The following PTPRH variants were observed in gnomAD, a reference collection of about 807,000 sequenced individuals.
PTPRH encodes the protein protein tyrosine phosphatase receptor type H.
A neutral mutation model predicts 130.2 loss-of-function variants in PTPRH; 113 were observed. The ratio of observed to expected loss-of-function variants is 0.87; its 90% CI spans 0.75 to 1.01. PTPRH has a LOEUF of 1.01. Among genes scored for constraint, PTPRH ranks in the 50% least tolerant of loss-of-function variants. PTPRH has a pLI of 0.00. For synonymous variants in PTPRH, 556 were observed against 577.9 expected (o/e 0.96, Z 0.54); for missense variants, 1,430 against 1,425.0 (o/e 1.00, Z -0.06).
In PTPRH at chr19:55,203,768, CG is replaced by C; in HGVS notation, c.886+13del. 1 of 1,588,960 alleles carries C rather than the reference CG, an allele frequency of 6.3e-7. No homozygotes were observed. The highest frequency in any genetic ancestry group is 1.1e-5 in the South Asian group (1 of 89,354). On this transcript the variant is annotated intron_variant, in intron 5 of 19. Transcript: ENST00000376350. ...TATAAAAGAAATAAAAATAAAACAGCGGCTGCCTCTTACCTGTGGCACTAGT... is the reference window on the plus strand; with the variant it reads ...TATAAAAGAAATAAAAATAAAACAGCGCTGCCTCTTACCTGTGGCACTAGT...
intron 12 of PTPRH, 89 bp downstream of exon 12, chr19:55,191,412 G>T: frequency 6.9e-7 from 1 of 1,456,362 alleles, no homozygotes; most frequent in Non-Finnish European, 9.6e-7. Flanking sequence ...TAAATGCATT[G>T]ATCCACCCTC....
intron 15 of PTPRH, 52 bp from the exon 16 acceptor site, chr19:55,186,411 T>G: frequency 6.2e-7 from 1 of 1,613,072 alleles, no homozygotes; most frequent in Non-Finnish European, 8.5e-7. Flanking sequence ...ATCCCCGAGC[T>G]CTTATCTCTC....
intron 10 of PTPRH, chr19:55,192,151 C>A: frequency 2.8e-6 from 1 of 358,994 alleles, no homozygotes; most frequent in Admixed American, 3.7e-5. Flanking sequence ...GCCTGTAATC[C>A]CAGCACTTTG....
chr19:55,188,597 G>A (rs1371549650), intron 12 of PTPRH, among the ~76,000 whole-genome samples: 3 of 152,192 alleles, frequency 2.0e-5, no homozygotes, highest in African/African-American at 7.2e-5. Flanking sequence ...ATGCAGACCA[G>A]TTTTTTTCTC....
In PTPRH at chr19:55,186,268, C is replaced by T; in HGVS notation, c.2735G>A (p.Ser912Asn). 6.2e-7 allele frequency: 1 copy of T among 1,613,892 alleles called. No individual in the cohort carries two copies. The highest frequency in any genetic ancestry group is 8.5e-7 in the Non-Finnish European group (1 of 1,179,850). Residue 912 changes from serine (S) to asparagine (N), a missense_variant, in exon 16 of 20, where the codon AGC (serine) becomes AAC (asparagine). Coordinates refer to ENST00000376350, the MANE Select transcript of PTPRH (RefSeq NM_002842.5). ...DFWRLVWEQQ[S>N]HTLVMLTNCM... ...GTTGGTCAGCATGACCAGGGTGTGG[C>T]TCTGCTGTTCCCACACCAGGCGCCA...
At position 55,185,936 on chromosome 19, in the gene PTPRH, C is replaced by T; in HGVS notation, c.2827G>A (p.Gly943Arg). The T allele has an allele frequency of 6.2e-7, 1 of 1,614,110 alleles. No individual in the cohort carries two copies. The highest frequency in any genetic ancestry group is 8.5e-7 in the Non-Finnish European group (1 of 1,179,992). Residue 943 changes from glycine (G) to arginine (R), a missense_variant, in exon 17 of 20, where the codon GGG (glycine) becomes AGG (arginine). By Grantham distance (125) the Gly-to-Arg change is moderately radical. Transcript: ENST00000376350. ...WPLDSQPCTHGHLRVTLVGEE... is the reference protein window; with the variant it reads ...WPLDSQPCTHRHLRVTLVGEE... The stretch of plus-strand genomic sequence containing the variant: ...CCTACCAGGGTTACCCGCAGGTGCC[C>T]ATGGGTGCAGGGCTGCGAGTCCAGA...
chr19:55,189,824 T>G (rs1252180718), intron 12 of PTPRH: 1 of 437,320 alleles, frequency 2.3e-6, no homozygotes, highest in Non-Finnish European at 4.6e-6. Flanking sequence ...CCGACCTCCA[T>G]CTCTACAAAA....
intron 6 of PTPRH, among the ~76,000 whole-genome samples, chr19:55,201,850 A>G (rs1426424804): frequency 6.6e-6 from 1 of 152,228 alleles, no homozygotes; most frequent in Non-Finnish European, 1.5e-5. Context: ...AGTCCTAGAC[A>G]CAGACTGGCC....
chr19:55,201,335 C>T (rs2086857474), intron 6 of PTPRH, among the ~76,000 whole-genome samples: 1 of 152,124 alleles, frequency 6.6e-6, no homozygotes. Flanking sequence ...TACGATCCTG[C>T]CACTGCACTC....
rs151036261 is a variant in PTPRH at position 55,198,120 on chromosome 19, G to A, written c.1690+523C>T. Among the ~76,000 whole-genome samples, 145 of 152,306 alleles carry A rather than the reference G, an allele frequency of 9.5e-4. 1 individual carries two copies. In the East Asian group the frequency reaches 9.6e-3, roughly 10 times the overall value. On this transcript the variant is annotated intron_variant, in intron 8 of 19. Coordinates refer to ENST00000376350, the MANE Select transcript of PTPRH (RefSeq NM_002842.5). ...TGGTCCCAGCTACTCAGGAGGCTGA[G>A]GTGGGAGAATCAGTTGAGCCCAGGA...
At chr19:55,196,988 C>T in intron 9 of PTPRH, 129 bp downstream of exon 9, 3 of 1,279,388 alleles carry the variant, frequency 2.3e-6, no homozygotes, top group Non-Finnish European at 3.2e-6. Context: ...CCTTGGGCTC[C>T]TCCATCACTG....
intron 14 of PTPRH, among the ~76,000 whole-genome samples, 170 bp downstream of exon 14, chr19:55,187,343 T>A (rs1347835334): frequency 3.6e-5 from 1 of 28,112 alleles, no homozygotes; most frequent in Non-Finnish European, 5.0e-5. Context: ...AGACTCCGTC[T>A]CAAAAAAAAA....
chr19:55,193,474 T>A (rs1190642837), intron 10 of PTPRH, among the ~76,000 whole-genome samples: 1 of 152,106 alleles, frequency 6.6e-6, no homozygotes, highest in Non-Finnish European at 1.5e-5. Flanking sequence ...ATTCTTGCCT[T>A]CCTTAGCTTA....
intron 7 of PTPRH, among the ~76,000 whole-genome samples, chr19:55,200,006 G>A (rs896995083): frequency 2.6e-5 from 4 of 152,094 alleles, no homozygotes; most frequent in East Asian, 3.9e-4. Context: ...GAAAGAAAAG[G>A]CCTGTGTCCC....
At chr19:55,203,610 C>T (rs1369245133) in intron 5 of PTPRH, among the ~76,000 whole-genome samples, 172 bp downstream of exon 5, 1 of 151,780 alleles carries the variant, frequency 6.6e-6, no homozygotes, top group African/African-American at 2.4e-5. Context: ...ACAGGCTGAC[C>T]AGTTTCTTTG....
chr19:55,193,201 C>A (rs1298821487), intron 10 of PTPRH, among the ~76,000 whole-genome samples: 6 of 148,890 alleles, frequency 4.0e-5, no homozygotes, highest in Non-Finnish European at 5.9e-5. Flanking sequence ...GCACTCCAGA[C>A]TGGGTGATAG....
rs2086685134 is a variant in PTPRH, at chr19:55,196,551, TGAGACAC to T, written c.2221_2227del (p.Val741ThrfsTer30). The T allele has an allele frequency of 4.4e-6, 7 of 1,607,622 alleles. No homozygotes were observed. Among genetic ancestry groups the T allele is most frequent in the Non-Finnish European group, 5.1e-6 (6 of 1,177,954 alleles). ...ACTCTCGGTGTGGCAGACCACAGAG[TGAGACAC>T]GACCTTCATTCCGTCCCAGATGGTC... On this transcript the variant is annotated frameshift_variant, in exon 10 of 20. Transcript: ENST00000376350. LOFTEE classifies it high-confidence loss of function.
At chr19:55,187,647 T>G in intron 13 of PTPRH, 44 bp from the exon 14 acceptor site, 3 of 1,467,110 alleles carry the variant, frequency 2.0e-6, no homozygotes, top group Non-Finnish European at 1.9e-6. Context: ...GGATTTTCTC[T>G]ACTTTCCCTC....
intron 10 of PTPRH, among the ~76,000 whole-genome samples, chr19:55,193,812 C>T (rs888072206): frequency 4.6e-5 from 7 of 151,014 alleles, no homozygotes; most frequent in African/African-American, 9.7e-5. Context: ...TCCCCGGCAG[C>T]GGAGCCTACC....
Sources: gnomAD v4.1 joint callset for allele counts (sites outside exome capture counted in the v4.1 genomes callset) on GRCh38, gnomAD v4.1.1 for gene constraint, MANE v1.5 for transcripts, NCBI Gene and HGNC (gene_info 2026-07-23, HGNC 2026-07-21) for gene names.